The following NEDD4L variants were observed in gnomAD, a reference collection of about 807,000 sequenced individuals.
The protein encoded by NEDD4L is NEDD4 like E3 ubiquitin protein ligase.
A neutral mutation model predicts 148.9 loss-of-function variants in NEDD4L; 54 were observed. The observed-to-expected ratio is 0.36, with a 90% confidence interval of 0.29 to 0.45. The LOEUF (loss-of-function observed/expected upper bound fraction) is 0.45. Among genes scored for constraint, NEDD4L ranks in the 20% least tolerant of loss-of-function variants. NEDD4L has a pLI of 1.00. For synonymous variants in NEDD4L, 433 were observed against 440.7 expected (o/e 0.98, Z 0.22); for missense variants, 856 against 1,233.8 (o/e 0.69, Z 4.59).
Position 58,192,768 on chromosome 18 carries a change from C to T in NEDD4L, c.122+26907C>T, listed in dbSNP as rs569316130. Among the ~76,000 whole-genome samples, 9 of 152,224 alleles carry T rather than the reference C, an allele frequency of 5.9e-5. No homozygotes were observed. The East Asian group carries it at 9.6e-4, about 16-fold the overall frequency. On this transcript the variant is annotated intron_variant, in intron 2 of 30. Transcript: ENST00000400345. ...GCACTGTACTGGGAGATGAAGAACA[C>T]GGAGTTCTAGGCCTCCAGGAATTTA...
In NEDD4L at chr18:58,335,614, A is replaced by G. The variant is rs914633088; in HGVS notation, c.1125+77A>G. The G allele has an allele frequency of 4.2e-5, 45 of 1,080,304 alleles. No individual in the cohort carries two copies. In the Admixed American group the frequency reaches 7.4e-4, roughly 18 times the overall value. 66.9% of individuals were successfully genotyped at this position (1,080,304 alleles called of 1,614,324 possible). ...TAATATTTCGTGTAGTGGTGAATATACGCTGTTTTTAAAAATAAGATTAGC... is the reference window on the plus strand; with the variant it reads ...TAATATTTCGTGTAGTGGTGAATATGCGCTGTTTTTAAAAATAAGATTAGC... On this transcript the variant is annotated intron_variant, in intron 13 of 30. Coordinates refer to ENST00000400345, the MANE Select transcript of NEDD4L (RefSeq NM_001144967.3).
chr18:58,389,742 TA>T (rs61096183), intron 28 of NEDD4L, among the ~76,000 whole-genome samples: 2,159 of 140,890 alleles, frequency 0.015, 52 homozygotes, highest in African/African-American at 0.05. Flanking sequence ...TAAACAAACT[TA>T]AAAAAAAAAA....
intron 5 of NEDD4L, among the ~76,000 whole-genome samples, chr18:58,300,356 C>G (rs1243104319): frequency 6.6e-6 from 1 of 152,186 alleles, no homozygotes; most frequent in East Asian, 1.9e-4. Context: ...AGTTTTGCAG[C>G]ACTTTGCACT....
At chr18:58,244,631 T>C (rs2047026212) in intron 2 of NEDD4L, among the ~76,000 whole-genome samples, 1 of 152,222 alleles carries the variant, frequency 6.6e-6, no homozygotes, top group South Asian at 2.1e-4. Flanking sequence ...CTCTTGACTT[T>C]CTAGGCTTTA....
intron 5 of NEDD4L, among the ~76,000 whole-genome samples, chr18:58,301,106 C>T (rs2056403945): frequency 6.6e-6 from 1 of 152,124 alleles, no homozygotes; most frequent in Non-Finnish European, 1.5e-5. Flanking sequence ...CACCAGGTTC[C>T]TTTAACTCTC....
intron 1 of NEDD4L, among the ~76,000 whole-genome samples, chr18:58,104,848 C>G (rs957676893): frequency 6.6e-6 from 1 of 151,876 alleles, no homozygotes; most frequent in Non-Finnish European, 1.5e-5. Context: ...CACTACACCC[C>G]CGCCCCCCAA....
intron 1 of NEDD4L, among the ~76,000 whole-genome samples, chr18:58,052,929 GCACTC>G (rs1165844615): frequency 6.6e-6 from 1 of 152,154 alleles, no homozygotes; most frequent in Non-Finnish European, 1.5e-5. Flanking sequence ...TTGCAACTCT[GCACTC>G]CACCCTGGGT....
rs1185203471 is a variant in NEDD4L at position 58,044,688 on chromosome 18, T to A, written c.28T>A (p.Tyr10Asn). ...GGCGACCGGGCTCGGGGAGCCGGTCTATGGACTTTCCGAAGACGAGGTGAG... is the reference window on the plus strand; with the variant it reads ...GGCGACCGGGCTCGGGGAGCCGGTCAATGGACTTTCCGAAGACGAGGTGAG... MATGLGEPV[Y>N]GLSEDEGESR... The change falls in exon 1 of 31, where the codon TAT becomes AAT. Residue 10 changes from tyrosine (Y) to asparagine (N), a missense_variant. By Grantham distance (143) the Tyr-to-Asn change is moderately radical (BLOSUM62 -2). Around this residue, in one of 4 missense-constraint regions of NEDD4L, gnomAD observed 193 missense variants for 244.2 expected, o/e 0.79. Transcript: ENST00000400345. The A allele has an allele frequency of 3.1e-6, 5 of 1,609,012 alleles. No individual in the cohort carries two copies. The highest frequency in any genetic ancestry group is 1.1e-5 in the South Asian group (1 of 90,464).
At chr18:58,384,175 T>C (rs909740127) in intron 25 of NEDD4L, among the ~76,000 whole-genome samples, 13 of 152,212 alleles carry the variant, frequency 8.5e-5, no homozygotes, top group African/African-American at 3.1e-4. Flanking sequence ...AGCTCTTGCA[T>C]TGACTGTGGG....
At chr18:58,061,904 G>A (rs1310561067) in intron 1 of NEDD4L, among the ~76,000 whole-genome samples, 1 of 148,078 alleles carries the variant, frequency 6.8e-6, no homozygotes, top group Non-Finnish European at 1.5e-5. Context: ...AAATAGGAAG[G>A]TTTCTGATTC....
At chr18:58,179,992 G>A (rs1183291107) in intron 2 of NEDD4L, among the ~76,000 whole-genome samples, 3 of 152,160 alleles carry the variant, frequency 2.0e-5, no homozygotes, top group Admixed American at 6.5e-5. Context: ...GTTGGGGACC[G>A]TTGGTGTAGA....
chr18:58,235,735 A>G (rs1458222434), intron 2 of NEDD4L, among the ~76,000 whole-genome samples: 3 of 151,978 alleles, frequency 2.0e-5, no homozygotes, highest in Non-Finnish European at 4.4e-5. Flanking sequence ...ATTAGTTCAG[A>G]AGTCTGTCCC....
intron 2 of NEDD4L, among the ~76,000 whole-genome samples, chr18:58,217,108 T>C (rs971940278): frequency 2.6e-5 from 4 of 152,192 alleles, no homozygotes; most frequent in African/African-American, 7.2e-5. Flanking sequence ...TTCAGATGTT[T>C]TGTTATAGTG....
At chr18:58,180,116 G>A (rs749565470) in intron 2 of NEDD4L, among the ~76,000 whole-genome samples, 1 of 152,274 alleles carries the variant, frequency 6.6e-6, no homozygotes, top group Admixed American at 6.5e-5. Flanking sequence ...CAAACACTTC[G>A]GTGACTGTGC....
intron 1 of NEDD4L, among the ~76,000 whole-genome samples, chr18:58,162,695 G>A (rs1454555084): frequency 6.6e-6 from 1 of 151,462 alleles, no homozygotes; most frequent in East Asian, 1.9e-4. Flanking sequence ...TCTGGCACGT[G>A]ATGGGTACTC....
intron 4 of NEDD4L, among the ~76,000 whole-genome samples, chr18:58,251,276 A>C (rs2047896995): frequency 1.3e-5 from 2 of 152,358 alleles, no homozygotes; most frequent in East Asian, 1.9e-4. Flanking sequence ...CTGTAATCCC[A>C]GCACTTTGAG....
chr18:58,110,667 C>T (rs1323475235), intron 1 of NEDD4L, among the ~76,000 whole-genome samples: 5 of 152,212 alleles, frequency 3.3e-5, no homozygotes, highest in African/African-American at 1.2e-4. Context: ...GTTTTAGGCT[C>T]TTTAAGATGA....
intron 2 of NEDD4L, among the ~76,000 whole-genome samples, chr18:58,238,587 T>C (rs2046288840): frequency 6.6e-6 from 1 of 152,204 alleles, no homozygotes; most frequent in Admixed American, 6.5e-5. Context: ...ATTTATTTAA[T>C]TGCTTCCCAA....
At chr18:58,068,451 G>A (rs1238881737) in intron 1 of NEDD4L, among the ~76,000 whole-genome samples, 5 of 152,076 alleles carry the variant, frequency 3.3e-5, no homozygotes, top group Non-Finnish European at 4.4e-5. Context: ...CACCTGCCTC[G>A]GCCTCCCAAA....
Sources: gnomAD v4.1 joint callset for allele counts (sites outside exome capture counted in the v4.1 genomes callset) on GRCh38, gnomAD v4.1.1 for gene constraint, gnomAD v4.1.1 regional missense constraint, MANE v1.5 for transcripts, NCBI Gene and HGNC (gene_info 2026-07-23, HGNC 2026-07-21) for gene names.